Variants in LHFPL3 observed in about 807,000 individuals in gnomAD.
The protein encoded by LHFPL3 is LHFPL tetraspan subfamily member 3, also known as LHFPL tetraspan subfamily member 3 protein.
A neutral mutation model predicts 19.3 loss-of-function variants in LHFPL3; 5 were observed. The ratio of observed to expected loss-of-function variants is 0.26; its 90% CI spans 0.14 to 0.54. LHFPL3 has a LOEUF of 0.54. Ranked by LOEUF, LHFPL3 falls within the 20% of genes least tolerant of loss-of-function variation. LHFPL3 has a pLI of 0.94. For missense variants in LHFPL3, 249 were observed against 307.4 expected (o/e 0.81, Z 1.42); for synonymous variants, 133 against 126.2 (o/e 1.05, Z -0.36).
At chr7:104,419,608 G>C (rs961605286) in intron 1 of LHFPL3, among the ~76,000 whole-genome samples, 7 of 152,176 alleles carry the variant, frequency 4.6e-5, no homozygotes, top group African/African-American at 1.7e-4. Flanking sequence ...TTATAAGTTT[G>C]ACTTTAGACA....
intron 1 of LHFPL3, among the ~76,000 whole-genome samples, chr7:104,545,389 G>A (rs578076297): frequency 2.0e-5 from 3 of 152,194 alleles, no homozygotes; most frequent in South Asian, 4.2e-4. Flanking sequence ...TCATTCCCAG[G>A]TTCCTGCACT....
intron 1 of LHFPL3, among the ~76,000 whole-genome samples, chr7:104,509,272 AAAAAAG>A (rs1562920217): frequency 6.7e-6 from 1 of 150,054 alleles, no homozygotes; most frequent in African/African-American, 2.5e-5. Flanking sequence ...AAAGGAAAAA[AAAAAAG>A]GAAAGAAAGA....
chr7:104,544,269 A>C (rs1374227103), intron 1 of LHFPL3, among the ~76,000 whole-genome samples: 1 of 152,168 alleles, frequency 6.6e-6, no homozygotes, highest in Non-Finnish European at 1.5e-5. Flanking sequence ...GTAAATGAAA[A>C]TAACTCCAAT....
chr7:104,539,832 G>C (rs1305714304), intron 1 of LHFPL3, among the ~76,000 whole-genome samples: 1 of 152,150 alleles, frequency 6.6e-6, no homozygotes, highest in Non-Finnish European at 1.5e-5. Flanking sequence ...TGGCATGATA[G>C]TTTTTACTGC....
At chr7:104,660,160 C>G (rs1004325843) in intron 1 of LHFPL3, among the ~76,000 whole-genome samples, 2 of 152,170 alleles carry the variant, frequency 1.3e-5, no homozygotes, top group Non-Finnish European at 2.9e-5. Context: ...TGCCACCACA[C>G]CTGGCTAATT....
chr7:104,520,186 C>G (rs1367238214), intron 1 of LHFPL3, among the ~76,000 whole-genome samples: 1 of 152,148 alleles, frequency 6.6e-6, no homozygotes, highest in East Asian at 1.9e-4. Context: ...AAGGCCTTTT[C>G]TGCATCTATT....
chr7:104,436,934 C>A (rs1238778064), intron 1 of LHFPL3, among the ~76,000 whole-genome samples: 1 of 152,172 alleles, frequency 6.6e-6, no homozygotes, highest in African/African-American at 2.4e-5. Flanking sequence ...GTGACACATA[C>A]TTTTCATCAA....
At chr7:104,590,589 G>C (rs1790691463) in intron 1 of LHFPL3, among the ~76,000 whole-genome samples, 2 of 152,218 alleles carry the variant, frequency 1.3e-5, no homozygotes, top group Non-Finnish European at 2.9e-5. Context: ...TGTATATTCT[G>C]TTGATCTGGG....
chr7:104,432,978 A>G (rs1207896188), intron 1 of LHFPL3, among the ~76,000 whole-genome samples: 1 of 152,196 alleles, frequency 6.6e-6, no homozygotes, highest in Non-Finnish European at 1.5e-5. Flanking sequence ...CAGCTGGGGT[A>G]AAACCAATTC....
chr7:104,518,085 C>G (rs1050294122), intron 1 of LHFPL3, among the ~76,000 whole-genome samples: 5 of 152,078 alleles, frequency 3.3e-5, no homozygotes, highest in Admixed American at 3.3e-4. Context: ...TAGTATTAGT[C>G]TAGGCTTACA....
intron 1 of LHFPL3, among the ~76,000 whole-genome samples, chr7:104,603,539 C>T (rs1482581384): frequency 1.3e-5 from 2 of 152,138 alleles, no homozygotes; most frequent in Non-Finnish European, 2.9e-5. Flanking sequence ...AACTCAAAAG[C>T]TCAAAGTCCA....
At chr7:104,826,219 C>G (rs1406763839) in intron 2 of LHFPL3, 3 of 152,462 alleles carry the variant, frequency 2.0e-5, no homozygotes, top group African/African-American at 7.3e-5. Context: ...ATCACCACAG[C>G]TCTCACCATG....
chr7:104,496,195 C>A (rs1335307110), intron 1 of LHFPL3, among the ~76,000 whole-genome samples: 1 of 152,140 alleles, frequency 6.6e-6, no homozygotes, highest in South Asian at 2.1e-4. Context: ...GTTCAATTCC[C>A]ACCTATGAGT....
intron 1 of LHFPL3, among the ~76,000 whole-genome samples, chr7:104,375,251 T>C (rs1790690459): frequency 6.6e-6 from 1 of 152,004 alleles, no homozygotes; most frequent in African/African-American, 2.4e-5. Context: ...GGCAGGAGAA[T>C]CACTTGAACC....
At chr7:104,801,866 G>A (rs1366830139) in intron 2 of LHFPL3, among the ~76,000 whole-genome samples, 4 of 152,038 alleles carry the variant, frequency 2.6e-5, no homozygotes, top group African/African-American at 7.2e-5. Flanking sequence ...CACCATGCCC[G>A]GCCAAGTTTT....
intron 2 of LHFPL3, among the ~76,000 whole-genome samples, chr7:104,840,308 CT>C (rs67980957): frequency 7.6e-5 from 9 of 118,382 alleles, no homozygotes; most frequent in South Asian, 2.8e-4. Flanking sequence ...TGTGGGTTTT[CT>C]TTTTTTTTTT....
At chr7:104,902,152 G>A (rs936602989) in intron 2 of LHFPL3, among the ~76,000 whole-genome samples, 1 of 152,088 alleles carries the variant, frequency 6.6e-6, no homozygotes, top group South Asian at 2.1e-4. Flanking sequence ...GACCAAGGTG[G>A]GAGGATCACT....
At chr7:104,507,394 T>C (rs1450219237) in intron 1 of LHFPL3, among the ~76,000 whole-genome samples, 1 of 145,066 alleles carries the variant, frequency 6.9e-6, no homozygotes, top group Non-Finnish European at 1.5e-5. Flanking sequence ...CTGGGAAAAC[T>C]GGCTAGCCAT....
chr7:104,880,189 A>C (rs371203930), intron 2 of LHFPL3, among the ~76,000 whole-genome samples: 3 of 152,108 alleles, frequency 2.0e-5, no homozygotes, highest in South Asian at 4.2e-4. Flanking sequence ...ATCCCTCATG[A>C]ATGGCCTGGT....
Sources: gnomAD v4.1 joint callset for allele counts (sites outside exome capture counted in the v4.1 genomes callset) on GRCh38, gnomAD v4.1.1 for gene constraint, MANE v1.5 for transcripts, NCBI Gene and HGNC (gene_info 2026-07-23, HGNC 2026-07-21) for gene names.